The following CDH18 variants were observed in gnomAD, a reference collection of about 807,000 sequenced individuals.
The protein encoded by CDH18 is cadherin-18.
CDH18 carries 31 observed loss-of-function variants against 67.9 expected under a neutral mutation model. That is an observed-to-expected ratio of 0.46 (90% CI 0.34 to 0.62). The LOEUF is 0.62. CDH18 is among the 20% of genes least tolerant of loss of function. CDH18 has a pLI of 0.01. For missense variants in CDH18, 890 were observed against 975.5 expected, an observed-to-expected ratio of 0.91 and a Z score of 1.17; for synonymous variants, 362 against 347.2, an observed-to-expected ratio of 1.04 and a Z score of -0.48.
At chr5:19,911,237 C>T (rs1791109706) in intron 2 of CDH18, among the ~76,000 whole-genome samples, 1 of 152,088 alleles carries the variant, frequency 6.6e-6, no homozygotes, top group Non-Finnish European at 1.5e-5. Flanking sequence ...GGTGGCTGAG[C>T]ATGCTGATCT....
chr5:19,606,727 AG>A (rs1748104665), intron 6 of CDH18, among the ~76,000 whole-genome samples: 2 of 151,906 alleles, frequency 1.3e-5, no homozygotes, highest in African/African-American at 4.8e-5. Flanking sequence ...CATACTTTGT[AG>A]AACTAATAGA....
intron 1 of CDH18, among the ~76,000 whole-genome samples, chr5:20,489,946 C>G (rs1753485288): frequency 6.6e-6 from 1 of 151,516 alleles, no homozygotes; most frequent in Non-Finnish European, 1.5e-5. Context: ...AAAGAAAACA[C>G]TAGATTTTTA....
intron 5 of CDH18, among the ~76,000 whole-genome samples, chr5:19,657,715 T>C (rs1440424352): frequency 6.6e-6 from 1 of 152,174 alleles, no homozygotes; most frequent in East Asian, 1.9e-4. Flanking sequence ...TTAATTTCTA[T>C]AAAACATCTT....
At chr5:19,741,260 TAC>T (rs1561196700) in intron 4 of CDH18, among the ~76,000 whole-genome samples, 1 of 141,566 alleles carries the variant, frequency 7.1e-6, no homozygotes, top group Non-Finnish European at 1.5e-5. Flanking sequence ...TATATATGTA[TAC>T]ATATATACAT....
At chr5:19,722,281 T>C (rs898222565) in intron 4 of CDH18, among the ~76,000 whole-genome samples, 1 of 151,906 alleles carries the variant, frequency 6.6e-6, no homozygotes, top group African/African-American at 2.4e-5. Flanking sequence ...CTTGAACTCC[T>C]GATCTCTGGT....
At chr5:20,238,696 A>G (rs7713508) in intron 2 of CDH18, among the ~76,000 whole-genome samples, 106,565 of 151,996 alleles carry the variant, frequency 0.7, 38,023 homozygotes, top group African/African-American at 0.85. Context: ...ATTTACACAA[A>G]AGAAAAGAAA....
intron 1 of CDH18, among the ~76,000 whole-genome samples, chr5:20,538,815 C>T (rs1756869755): frequency 6.7e-6 from 1 of 150,212 alleles, no homozygotes; most frequent in South Asian, 2.1e-4. Context: ...ATTTGATAAT[C>T]ACTTCTATTG....
At position 19,699,093 on chromosome 5, in the gene CDH18, C is replaced by T. The variant is rs1762892008; in HGVS notation, c.643+22254G>A. Among the ~76,000 whole-genome samples, 6 of 152,202 alleles carry T rather than the reference C, an allele frequency of 3.9e-5. No individual in the cohort carries two copies. The South Asian group carries it at 1.2e-3, about 32-fold the overall frequency. The stretch of plus-strand genomic sequence containing the variant: ...TCCATCATGATCCTTGTGTACATTT[C>T]TAATTCTAAAATACTTAAGTAATCA... On this transcript the variant is annotated intron_variant, in intron 5 of 12. Coordinates refer to ENST00000382275, the MANE Select transcript of CDH18 (RefSeq NM_004934.5).
intron 1 of CDH18, among the ~76,000 whole-genome samples, chr5:20,405,784 A>G (rs556239974): frequency 6.6e-6 from 1 of 152,356 alleles, no homozygotes; most frequent in African/African-American, 2.4e-5. Context: ...ATATGAATAG[A>G]CACTTCTGAA....
chr5:19,742,152 C>A (rs958982911), intron 4 of CDH18, among the ~76,000 whole-genome samples: 1 of 152,096 alleles, frequency 6.6e-6, no homozygotes, highest in Non-Finnish European at 1.5e-5. Context: ...TTATTGCCCA[C>A]CGACAAGAAA....
chr5:19,523,739 T>A (rs1365134264), intron 9 of CDH18, among the ~76,000 whole-genome samples: 1 of 152,154 alleles, frequency 6.6e-6, no homozygotes, highest in African/African-American at 2.4e-5. Context: ...AGGAATAACT[T>A]GTATATTCTC....
chr5:20,068,209 C>G (rs1743152696), intron 2 of CDH18, among the ~76,000 whole-genome samples: 1 of 151,966 alleles, frequency 6.6e-6, no homozygotes, highest in South Asian at 2.1e-4. Context: ...AGGCATTGTT[C>G]TTTACAGAAA....
intron 2 of CDH18, among the ~76,000 whole-genome samples, chr5:20,059,118 G>T (rs985116314): frequency 6.6e-6 from 1 of 152,176 alleles, no homozygotes; most frequent in Non-Finnish European, 1.5e-5. Context: ...TATTTGGGTA[G>T]AAGTGTTTAT....
At chr5:19,536,944 G>T (rs151170754) in intron 9 of CDH18, among the ~76,000 whole-genome samples, 1 of 152,202 alleles carries the variant, frequency 6.6e-6, no homozygotes, top group Non-Finnish European at 1.5e-5. Context: ...TCAGGTTTGA[G>T]ATCCAGATAT....
At chr5:19,581,528 G>GT (rs999526478) in intron 7 of CDH18, among the ~76,000 whole-genome samples, 2 of 151,800 alleles carry the variant, frequency 1.3e-5, no homozygotes, top group African/African-American at 2.4e-5. Context: ...CCAAGTTGCC[G>GT]TATGAGTCAA....
rs890844835 is a variant in CDH18 at position 19,876,940 on chromosome 5, A to G, written c.-256-37698T>C. Among the ~76,000 whole-genome samples, 5 of 152,084 alleles carry G rather than the reference A, an allele frequency of 3.3e-5. No homozygotes were observed. The South Asian group carries it at 1.0e-3, about 32-fold the overall frequency. On this transcript the variant is annotated intron_variant, in intron 2 of 12. Coordinates refer to ENST00000382275, the MANE Select transcript of CDH18 (RefSeq NM_004934.5). ...GTCACTTCTTGGCATGGCTCATAAA[A>G]TCTTCCCTTGTGATCAATCCTCCAT...
At chr5:20,508,436 G>A (rs1398581143) in intron 1 of CDH18, among the ~76,000 whole-genome samples, 2 of 148,822 alleles carry the variant, frequency 1.3e-5, no homozygotes, top group Non-Finnish European at 3.0e-5. Flanking sequence ...AAGTCCTGCA[G>A]TAATGAAATT....
chr5:19,967,105 T>TA (rs1378154515), intron 2 of CDH18, among the ~76,000 whole-genome samples: 4 of 151,724 alleles, frequency 2.6e-5, no homozygotes, highest in South Asian at 2.1e-4. Context: ...GAAAAAAATG[T>TA]AAAAAAAATC....
chr5:19,513,816 A>C (rs2126848167), intron 10 of CDH18, among the ~76,000 whole-genome samples: 1 of 152,044 alleles, frequency 6.6e-6, no homozygotes, highest in South Asian at 2.1e-4. Context: ...TGGAATATTA[A>C]GTTACTTAGA....
Sources: gnomAD v4.1 joint callset for allele counts (sites outside exome capture counted in the v4.1 genomes callset) on GRCh38, gnomAD v4.1.1 for gene constraint, MANE v1.5 for transcripts, NCBI Gene and HGNC (gene_info 2026-07-23, HGNC 2026-07-21) for gene names.